NXPE4: variants seen among roughly 807,000 people sequenced by gnomAD.
NXPE4 encodes NXPE family member 4.
Under a neutral mutation model 33.3 loss-of-function variants are expected in NXPE4, and 42 were observed. The ratio of observed to expected loss-of-function variants is 1.26; its 90% CI spans 0.98 to 1.63. The LOEUF (loss-of-function observed/expected upper bound fraction) is 1.63. Ranked by LOEUF, NXPE4 falls within the 40% of genes most tolerant of loss-of-function variation. The pLI, the probability that NXPE4 is intolerant of heterozygous loss-of-function variation, is 0.00. For missense variants in NXPE4, 709 were observed against 647.6 expected (o/e 1.09, Z -1.03); for synonymous variants, 253 against 234.9 (o/e 1.08, Z -0.71).
chr11:114,620,544 G>C, the NXPE4 span, among the ~76,000 whole-genome samples: 4 of 152,050 alleles, frequency 2.6e-5, no homozygotes, highest in African/African-American at 9.6e-5. Context: ...AATAAGTGTT[G>C]CCTCTAGGGT....
At chr11:114,612,924 G>T in the NXPE4 span, among the ~76,000 whole-genome samples, 1 of 151,652 alleles carries the variant, frequency 6.6e-6, no homozygotes, top group South Asian at 2.1e-4. Context: ...GATAATAATT[G>T]TTGCATCGCA....
At chr11:114,668,949 T>C in the NXPE4 span, among the ~76,000 whole-genome samples, 1 of 152,096 alleles carries the variant, frequency 6.6e-6, no homozygotes, top group Non-Finnish European at 1.5e-5. Flanking sequence ...GAATGGAATC[T>C]CTGTGATTTT....
chr11:114,637,766 CTCTT>C, the NXPE4 span, among the ~76,000 whole-genome samples: 3 of 151,660 alleles, frequency 2.0e-5, no homozygotes, highest in African/African-American at 7.3e-5. Flanking sequence ...GAAAATTCTT[CTCTT>C]TAAGAATGTT....
At chr11:114,591,672 G>C (rs1367695947) in intron 2 of NXPE4, among the ~76,000 whole-genome samples, 1 of 152,072 alleles carries the variant, frequency 6.6e-6, no homozygotes, top group Non-Finnish European at 1.5e-5. Context: ...GTACTTTCCA[G>C]CCTCCAGCCA....
chr11:114,670,303 T>A, the NXPE4 span, among the ~76,000 whole-genome samples: 1 of 151,976 alleles, frequency 6.6e-6, no homozygotes, highest in African/African-American at 2.4e-5. Flanking sequence ...CCCAAGATGA[T>A]TGTGTGCATG....
the NXPE4 span, among the ~76,000 whole-genome samples, chr11:114,622,571 A>C: frequency 6.6e-6 from 1 of 152,070 alleles, no homozygotes; most frequent in Non-Finnish European, 1.5e-5. Flanking sequence ...GTGGGTAACC[A>C]CTGCTACCCG....
chr11:114,672,029 A>G, the NXPE4 span, among the ~76,000 whole-genome samples: 1 of 152,038 alleles, frequency 6.6e-6, no homozygotes, highest in Non-Finnish European at 1.5e-5. Context: ...AAGCAAGCAC[A>G]TCTTCACATG....
At chr11:114,601,386 T>TCC in the NXPE4 span, among the ~76,000 whole-genome samples, 1 of 143,702 alleles carries the variant, frequency 7.0e-6, no homozygotes, top group African/African-American at 2.6e-5. Flanking sequence ...GATAATACCC[T>TCC]CCAGTTCCAT....
intron 5 of NXPE4, among the ~76,000 whole-genome samples, chr11:114,576,668 G>A (rs982263919): frequency 6.6e-6 from 1 of 151,780 alleles, no homozygotes; most frequent in African/African-American, 2.4e-5. Flanking sequence ...TGTAAGAAAG[G>A]CCATATTCAA....
At chr11:114,671,070 AATATAAATATAT>A in the NXPE4 span, among the ~76,000 whole-genome samples, 572 of 147,920 alleles carry the variant, frequency 3.9e-3, 1 homozygote, top group Non-Finnish European at 5.1e-3. Context: ...TATATACATA[AATATAAATATAT>A]ATATAAATAT....
At chr11:114,654,664 G>A in the NXPE4 span, among the ~76,000 whole-genome samples, 1 of 152,100 alleles carries the variant, frequency 6.6e-6, no homozygotes, top group African/African-American at 2.4e-5. Context: ...CCTTTTTTAT[G>A]GATGCATAGT....
At chr11:114,632,283 T>C in the NXPE4 span, among the ~76,000 whole-genome samples, 2 of 138,742 alleles carry the variant, frequency 1.4e-5, no homozygotes, top group African/African-American at 5.2e-5. Flanking sequence ...ATATACTATA[T>C]ATGTATATTA....
At chr11:114,669,736 T>G in the NXPE4 span, among the ~76,000 whole-genome samples, 3 of 151,964 alleles carry the variant, frequency 2.0e-5, no homozygotes, top group Non-Finnish European at 4.4e-5. Context: ...ACATATTTTT[T>G]CCAAGGGCAC....
At chr11:114,602,284 ATGT>A in the NXPE4 span, among the ~76,000 whole-genome samples, 1,272 of 119,264 alleles carry the variant, frequency 0.011, 24 homozygotes, top group African/African-American at 0.039. Context: ...TACTATATAT[ATGT>A]TATCTATAAC....
chr11:114,643,131 A>T, the NXPE4 span, among the ~76,000 whole-genome samples: 2 of 151,844 alleles, frequency 1.3e-5, no homozygotes, highest in African/African-American at 4.8e-5. Context: ...TGTAAATTTA[A>T]GTTCTTTGTA....
At chr11:114,581,290 A>G (rs1949139137) in intron 4 of NXPE4, among the ~76,000 whole-genome samples, 1 of 152,156 alleles carries the variant, frequency 6.6e-6, no homozygotes, top group South Asian at 2.1e-4. Context: ...AAAGGTGGCA[A>G]AGATCAAGAG....
the NXPE4 span, among the ~76,000 whole-genome samples, chr11:114,651,466 G>C: frequency 6.6e-6 from 1 of 152,200 alleles, no homozygotes; most frequent in Non-Finnish European, 1.5e-5. Context: ...GACCCAAAGA[G>C]TAAGCAGCAG....
At chr11:114,625,448 C>T in the NXPE4 span, among the ~76,000 whole-genome samples, 1 of 152,114 alleles carries the variant, frequency 6.6e-6, no homozygotes. Flanking sequence ...TAAGTATTGC[C>T]TCTTGGGTAA....
At chr11:114,610,960 T>G in the NXPE4 span, among the ~76,000 whole-genome samples, 1 of 151,802 alleles carries the variant, frequency 6.6e-6, no homozygotes, top group Non-Finnish European at 1.5e-5. Flanking sequence ...TGGTTTGTAA[T>G]AAGTGTTGCC....
Sources: gnomAD v4.1 joint callset for allele counts (sites outside exome capture counted in the v4.1 genomes callset) on GRCh38, gnomAD v4.1.1 for gene constraint, MANE v1.5 for transcripts, NCBI Gene and HGNC (gene_info 2026-07-23, HGNC 2026-07-21) for gene names.